Variants in SKAP2 observed in about 807,000 individuals in gnomAD.
SKAP2 encodes the protein src kinase-associated phosphoprotein 2.
SKAP2 carries 28 observed loss-of-function variants against 54.9 expected under a neutral mutation model. The ratio of observed to expected loss-of-function variants is 0.51; its 90% CI spans 0.38 to 0.70. The LOEUF (loss-of-function observed/expected upper bound fraction) is 0.70, where lower values mean the gene tolerates loss of function less well. Among genes scored for constraint, SKAP2 ranks in the 30% least tolerant of loss-of-function variants. The pLI is 0.00. For missense variants in SKAP2, 356 were observed against 424.1 expected (o/e 0.84, Z 1.41); for synonymous variants, 137 against 134.3 (o/e 1.02, Z -0.14).
At chr7:26,815,879 G>T (rs1562621550) in intron 4 of SKAP2, among the ~76,000 whole-genome samples, 1 of 152,002 alleles carries the variant, frequency 6.6e-6, no homozygotes, top group Non-Finnish European at 1.5e-5. Context: ...CAATTATATT[G>T]ATAACCTGAC....
chr7:26,864,375 T>C lies in SKAP2; in HGVS notation c.55A>G (p.Asn19Asp). 1 of 1,613,600 alleles carries C rather than the reference T, an allele frequency of 6.2e-7. No individual in the cohort carries two copies. Among genetic ancestry groups the C allele is most frequent in the Non-Finnish European group, 8.5e-7 (1 of 1,179,738 alleles). Reference sequence around the variant, plus strand: ...TCCCGCTCTTTACCTGCCAACAGGTTCCTAATTTCCTCAGGGAGGGGGTAG... The same window carrying C: ...TCCCGCTCTTTACCTGCCAACAGGTCCCTAATTTCCTCAGGGAGGGGGTAG... ...SPYPLPEEIR[N>D]LLADVETFVA... The change falls in exon 1 of 13, where the codon AAC (asparagine) becomes GAC (aspartate). Residue 19 changes from asparagine to aspartate, a missense_variant. Coordinates refer to ENST00000345317, the MANE Select transcript of SKAP2 (RefSeq NM_003930.5).
intron 9 of SKAP2, among the ~76,000 whole-genome samples, chr7:26,715,684 C>T (rs114435123): frequency 0.011 from 1,616 of 152,148 alleles, 28 homozygotes; most frequent in African/African-American, 0.037. Context: ...AAGGCTAAGG[C>T]AGGAAAATCA....
intron 4 of SKAP2, among the ~76,000 whole-genome samples, chr7:26,780,132 G>T (rs10085562): frequency 6.6e-6 from 1 of 152,042 alleles, no homozygotes; most frequent in Non-Finnish European, 1.5e-5. Context: ...CTTTGGAGAA[G>T]TTGCTTAACC....
chr7:26,743,837 C>G (rs1478278386), intron 4 of SKAP2, among the ~76,000 whole-genome samples: 1 of 152,142 alleles, frequency 6.6e-6, no homozygotes, highest in African/African-American at 2.4e-5. Context: ...AAACAAGTAT[C>G]AAGTGCCTAT....
intron 4 of SKAP2, among the ~76,000 whole-genome samples, chr7:26,836,235 A>T (rs561024155): frequency 1.3e-5 from 2 of 152,348 alleles, no homozygotes; most frequent in Non-Finnish European, 2.9e-5. Flanking sequence ...AAAACCATAA[A>T]AACCCTAGAA....
At chr7:26,720,620 T>A (rs554878091) in intron 9 of SKAP2, among the ~76,000 whole-genome samples, 1 of 152,310 alleles carries the variant, frequency 6.6e-6, no homozygotes, top group East Asian at 1.9e-4. Flanking sequence ...GAAAGAGGTT[T>A]AATTGACTCA....
At chr7:26,656,018 C>T in the SKAP2 span, among the ~76,000 whole-genome samples, 7 of 152,154 alleles carry the variant, frequency 4.6e-5, no homozygotes, top group Admixed American at 3.3e-4. Flanking sequence ...TGTGTGTTTA[C>T]GTCCCCCCAA....
chr7:26,692,504 G>T (rs936206508), intron 9 of SKAP2, among the ~76,000 whole-genome samples: 2 of 152,124 alleles, frequency 1.3e-5, no homozygotes, highest in South Asian at 4.1e-4. Flanking sequence ...GTACTTACAC[G>T]ACAAATAGAA....
At chr7:26,810,076 C>T (rs1784110671) in intron 4 of SKAP2, among the ~76,000 whole-genome samples, 1 of 152,072 alleles carries the variant, frequency 6.6e-6, no homozygotes, top group African/African-American at 2.4e-5. Context: ...TGGTTCGCAC[C>T]CGTAATCTCA....
chr7:26,804,252 C>T (rs1489519981), intron 4 of SKAP2, among the ~76,000 whole-genome samples: 2 of 151,758 alleles, frequency 1.3e-5, no homozygotes, highest in African/African-American at 4.8e-5. Context: ...CTACTATATA[C>T]CCACAAAATT....
At chr7:26,743,422 C>T (rs1205326437) in intron 4 of SKAP2, among the ~76,000 whole-genome samples, 1 of 152,076 alleles carries the variant, frequency 6.6e-6, no homozygotes, top group African/African-American at 2.4e-5. Context: ...AGCAACTATA[C>T]AAGTTAAGCA....
chr7:26,790,970 C>T (rs1783662441), intron 4 of SKAP2, among the ~76,000 whole-genome samples: 1 of 151,992 alleles, frequency 6.6e-6, no homozygotes, highest in Admixed American at 6.6e-5. Flanking sequence ...AAATGTCTTC[C>T]TTAAAGAAAT....
intron 4 of SKAP2, among the ~76,000 whole-genome samples, chr7:26,798,922 C>T (rs978404623): frequency 6.0e-5 from 9 of 151,024 alleles, no homozygotes; most frequent in Admixed American, 1.3e-4. Flanking sequence ...AACGGACACA[C>T]AAGACATAAA....
At chr7:26,785,522 C>T (rs1783526590) in intron 4 of SKAP2, among the ~76,000 whole-genome samples, 1 of 152,142 alleles carries the variant, frequency 6.6e-6, no homozygotes, top group Non-Finnish European at 1.5e-5. Flanking sequence ...CTCAAACCTT[C>T]CCTTGACATC....
chr7:26,675,107 T>C (rs1028143510), intron 11 of SKAP2, among the ~76,000 whole-genome samples: 1 of 152,218 alleles, frequency 6.6e-6, no homozygotes, highest in African/African-American at 2.4e-5. Flanking sequence ...CCTGGATTAC[T>C]GCATTATCAA....
intron 4 of SKAP2, among the ~76,000 whole-genome samples, chr7:26,759,905 A>C (rs1164481837): frequency 6.6e-6 from 1 of 152,200 alleles, no homozygotes; most frequent in East Asian, 1.9e-4. Flanking sequence ...AGCTACTTCA[A>C]AGTTCTACAT....
At chr7:26,744,985 T>A (rs1782531396) in intron 4 of SKAP2, among the ~76,000 whole-genome samples, 1 of 152,210 alleles carries the variant, frequency 6.6e-6, no homozygotes, top group Non-Finnish European at 1.5e-5. Flanking sequence ...CAATAATTCA[T>A]CATATTATTG....
At chr7:26,840,227 T>C (rs1784793327) in intron 4 of SKAP2, among the ~76,000 whole-genome samples, 1 of 152,182 alleles carries the variant, frequency 6.6e-6, no homozygotes, top group South Asian at 2.1e-4. Flanking sequence ...ATTCACACCC[T>C]AGAGGTTTCA....
chr7:26,682,051 T>C lies in SKAP2; in HGVS notation c.987+2685A>G, dbSNP rs138677527. Among the ~76,000 whole-genome samples the C allele has an allele frequency of 4.8e-3, 732 of 152,202 alleles. 5 individuals are homozygous for C. Among genetic ancestry groups the C allele is most frequent in the African/African-American group, 0.017 (692 of 41,528 alleles). ...AAAATTTCATCCCATCACCACAAAA[T>C]CTTAATATAACTCTGAGAAACTCAA... On this transcript the variant is annotated intron_variant, in intron 11 of 12. Transcript: ENST00000345317.
Sources: allele counts gnomAD v4.1 joint callset (sites outside exome capture counted in the v4.1 genomes callset), GRCh38; gene constraint gnomAD v4.1.1; transcripts MANE v1.5; gene names NCBI Gene and HGNC (gene_info 2026-07-23, HGNC 2026-07-21).